FGF12: variants seen among roughly 807,000 people sequenced by gnomAD.
FGF12 encodes the protein fibroblast growth factor 12B.
In FGF12, 14 loss-of-function variants were observed where a neutral mutation model predicts 23.6. The ratio of observed to expected loss-of-function variants is 0.59; its 90% CI spans 0.39 to 0.93. The LOEUF is 0.93. Among genes scored for constraint, FGF12 ranks in the 40% least tolerant of loss-of-function variants. FGF12 has a pLI of 0.00. For missense variants in FGF12, 175 were observed against 217.8 expected (o/e 0.80, Z 1.24); for synonymous variants, 62 against 77.3 (o/e 0.80, Z 1.04).
At chr3:192,555,978 T>C (rs2669297) in intron 2 of FGF12, among the ~76,000 whole-genome samples, 130,746 of 151,950 alleles carry the variant, frequency 0.86, 56,315 homozygotes, top group East Asian at 0.95. Flanking sequence ...ATGTAAGCCC[T>C]TTGGTAAACA....
chr3:192,278,991 G>A (rs926349137), intron 4 of FGF12, among the ~76,000 whole-genome samples: 5 of 152,168 alleles, frequency 3.3e-5, no homozygotes, highest in East Asian at 3.9e-4. Flanking sequence ...GGGCCTGATT[G>A]TGGATGAGAG....
intron 2 of FGF12, among the ~76,000 whole-genome samples, chr3:192,605,045 C>T (rs114048165): frequency 0.019 from 2,872 of 152,172 alleles, 35 homozygotes; most frequent in Non-Finnish European, 0.03. Context: ...AAAACTCAAG[C>T]TGAATTAAAG....
At chr3:192,517,098 A>G (rs1294430144) in intron 2 of FGF12, 1 of 152,216 alleles carries the variant, frequency 6.6e-6, no homozygotes, top group Non-Finnish European at 1.5e-5. Flanking sequence ...TAGCAAATGA[A>G]CAGGACAATG....
chr3:192,186,438 T>C (rs1716474720), intron 4 of FGF12, among the ~76,000 whole-genome samples: 1 of 152,242 alleles, frequency 6.6e-6, no homozygotes, highest in African/African-American at 2.4e-5. Context: ...TATTCTTATA[T>C]ATGTGGTTGT....
chr3:192,722,054 T>C (rs772222292), intron 2 of FGF12, among the ~76,000 whole-genome samples: 11 of 152,210 alleles, frequency 7.2e-5, no homozygotes, highest in Non-Finnish European at 1.2e-4. Flanking sequence ...ATAAACTATT[T>C]ATACCTCTGT....
intron 2 of FGF12, among the ~76,000 whole-genome samples, chr3:192,432,169 T>C (rs1174997863): frequency 1.3e-5 from 2 of 152,180 alleles, no homozygotes; most frequent in Non-Finnish European, 2.9e-5. Context: ...TCCTAAGTAC[T>C]AACAAAGATG....
intron 4 of FGF12, among the ~76,000 whole-genome samples, chr3:192,332,457 A>T (rs1717173358): frequency 6.6e-6 from 1 of 152,110 alleles, no homozygotes; most frequent in Non-Finnish European, 1.5e-5. Flanking sequence ...TGGTAAAAAC[A>T]TATCCAGATA....
At chr3:192,468,605 A>AGAT (rs2108812226) in intron 2 of FGF12, among the ~76,000 whole-genome samples, 1 of 152,306 alleles carries the variant, frequency 6.6e-6, no homozygotes, top group Non-Finnish European at 1.5e-5. Context: ...ACATCATATC[A>AGAT]AGGAGCTGAT....
intron 2 of FGF12, among the ~76,000 whole-genome samples, chr3:192,521,977 T>C (rs535121558): frequency 1.2e-3 from 188 of 152,224 alleles, no homozygotes; most frequent in Middle Eastern, 3.4e-3. Flanking sequence ...GGCGGGCGGA[T>C]CACGAGGTCA....
intron 2 of FGF12, among the ~76,000 whole-genome samples, chr3:192,394,990 T>C (rs1576945206): frequency 1.3e-5 from 2 of 152,198 alleles, no homozygotes; most frequent in East Asian, 3.8e-4. Flanking sequence ...TATTTAACAC[T>C]AAGATGACTT....
chr3:192,360,434 C>A lies in FGF12; in HGVS notation c.118G>T (p.Asp40Tyr). The A allele has an allele frequency of 6.2e-7, 1 of 1,602,610 alleles. No homozygotes were observed. The highest frequency in any genetic ancestry group is 8.5e-7 in the Non-Finnish European group (1 of 1,169,612). The change falls in exon 3 of 6, where the codon GAC (aspartate) becomes TAC (tyrosine). Residue 40 changes from aspartate to tyrosine, a missense_variant. Coordinates refer to ENST00000445105, the MANE Select transcript of FGF12 (RefSeq NM_004113.6). This position sits in a 1 kb window ranked among gnomAD's most constrained non-coding sequence, Gnocchi z 4.3. ...AGAAGCTAATGTTTCTTACTGTAGT[C>A]GCTGTTTTCGTCCTTGGTCCCATCA... ...TIDGTKDENSDYTLFNLIPVG... is the reference protein window; with the variant it reads ...TIDGTKDENSYYTLFNLIPVG...
intron 2 of FGF12, among the ~76,000 whole-genome samples, chr3:192,723,858 TGTGTGA>T (rs113024403): frequency 7.7e-5 from 10 of 129,050 alleles, no homozygotes; most frequent in African/African-American, 2.1e-4. Context: ...TGTGTGTGTG[TGTGTGA>T]GAGAGAGAGA....
At chr3:192,540,822 T>A (rs1417456905) in intron 2 of FGF12, among the ~76,000 whole-genome samples, 1 of 152,208 alleles carries the variant, frequency 6.6e-6, no homozygotes, top group Non-Finnish European at 1.5e-5. Context: ...TGCTCCAGTA[T>A]TGGGTACATA....
chr3:192,185,223 T>C (rs182304181), intron 4 of FGF12, among the ~76,000 whole-genome samples: 137 of 152,334 alleles, frequency 9.0e-4, no homozygotes, highest in Middle Eastern at 3.4e-3. Flanking sequence ...TTACATATCA[T>C]GTGTATTTGC....
intron 4 of FGF12, among the ~76,000 whole-genome samples, chr3:192,242,208 A>G (rs1489779105): frequency 1.3e-5 from 2 of 152,192 alleles, no homozygotes; most frequent in African/African-American, 4.8e-5. Context: ...AAATAAATAC[A>G]AAAGTAGGTT....
At chr3:192,213,718 T>C (rs1718050195) in intron 4 of FGF12, among the ~76,000 whole-genome samples, 1 of 152,208 alleles carries the variant, frequency 6.6e-6, no homozygotes, top group Non-Finnish European at 1.5e-5. Flanking sequence ...CCATAAGAAC[T>C]GTCTCTCTCC....
intron 2 of FGF12, among the ~76,000 whole-genome samples, chr3:192,601,995 T>A (rs890354366): frequency 6.6e-6 from 1 of 152,146 alleles, no homozygotes; most frequent in East Asian, 1.9e-4. Context: ...GCTGACTGTA[T>A]GCTGCATGTT....
chr3:192,296,969 A>G (rs1353498195), intron 4 of FGF12, among the ~76,000 whole-genome samples: 2 of 152,230 alleles, frequency 1.3e-5, no homozygotes, highest in South Asian at 4.1e-4. Flanking sequence ...CCAGGTAGTC[A>G]GCAAAGTGCC....
intron 4 of FGF12, among the ~76,000 whole-genome samples, chr3:192,333,805 A>G (rs1194002747): frequency 6.6e-6 from 1 of 152,112 alleles, no homozygotes; most frequent in Admixed American, 6.6e-5. Flanking sequence ...AAATTTATTA[A>G]TGTGCACTGG....
Sources: allele counts gnomAD v4.1 joint callset (sites outside exome capture counted in the v4.1 genomes callset), GRCh38; gene constraint gnomAD v4.1.1; non-coding constraint Gnocchi (gnomAD v3.1); transcripts MANE v1.5; gene names NCBI Gene and HGNC (gene_info 2026-07-23, HGNC 2026-07-21).